Variants in TANC2 observed in about 807,000 individuals in gnomAD.
TANC2 encodes the protein tetratricopeptide repeat, ankyrin repeat and coiled-coil containing 2, also known as protein TANC2.
In TANC2, 26 loss-of-function variants were observed where a neutral mutation model predicts 210.5. The observed-to-expected ratio is 0.12, with a 90% CI of 0.09 to 0.17. The LOEUF is 0.17. Ranked by LOEUF, TANC2 falls within the 10% of genes least tolerant of loss-of-function variation. The pLI, the probability that TANC2 is intolerant of heterozygous loss-of-function variation, is 1.00. For missense variants in TANC2, 2,129 were observed against 2,608.9 expected, an observed-to-expected ratio of 0.82 and a Z score of 4.01; for synonymous variants, 931 against 967.1, an observed-to-expected ratio of 0.96 and a Z score of 0.69.
intron 2 of TANC2, among the ~76,000 whole-genome samples, chr17:63,011,218 T>G (rs1284753708): frequency 6.6e-6 from 1 of 151,908 alleles, no homozygotes; most frequent in Non-Finnish European, 1.5e-5. Context: ...TGTTTTTTTT[T>G]GTTGTTTTGT....
intron 5 of TANC2, among the ~76,000 whole-genome samples, chr17:63,162,909 T>C (rs1417432317): frequency 6.6e-6 from 1 of 152,000 alleles, no homozygotes; most frequent in African/African-American, 2.4e-5. Context: ...TGGTCATTAA[T>C]TTAACGAGGG....
exon 14 of TANC2, chr17:63,355,193 G>A (rs753277402): frequency 6.2e-7 from 1 of 1,613,802 alleles, no homozygotes; most frequent in Admixed American, 1.7e-5. Context: ...TGACTGATGA[G>A]CATATCTTCC....
chr17:63,406,249 A>G (rs1567992244), exon 21 of TANC2: 4 of 1,613,944 alleles, frequency 2.5e-6, no homozygotes, highest in African/African-American at 2.7e-5. Flanking sequence ...AAGGCCATCT[A>G]GGAACCGTGG....
intron 5 of TANC2, among the ~76,000 whole-genome samples, chr17:63,164,352 C>T (rs1234047038): frequency 6.6e-6 from 1 of 151,970 alleles, no homozygotes; most frequent in Non-Finnish European, 1.5e-5. Context: ...ACCCAGACCT[C>T]ATGAAAGTGG....
intron 5 of TANC2, among the ~76,000 whole-genome samples, chr17:63,155,681 G>T (rs1455426251): frequency 6.6e-6 from 1 of 152,120 alleles, no homozygotes; most frequent in Non-Finnish European, 1.5e-5. Flanking sequence ...TTTTTATATG[G>T]ATTCTTTTAA....
At chr17:63,018,710 C>T (rs1280014537) in intron 2 of TANC2, among the ~76,000 whole-genome samples, 4 of 152,232 alleles carry the variant, frequency 2.6e-5, no homozygotes, top group African/African-American at 9.6e-5. Flanking sequence ...ACCCCCTTCC[C>T]TCTCACACCT....
rs146328183 is a variant in TANC2 at position 63,215,405 on chromosome 17, C to T, written c.769+14448C>T. ...GGTTCCTAAATACCTTTGAATTTTC[C>T]GAGTCATAGGAGCATCTTGGCAGGC... On this transcript the variant is annotated intron_variant, in intron 7 of 27. Coordinates refer to ENST00000689528, the Ensembl canonical transcript of TANC2. 6.3e-3 allele frequency among the ~76,000 whole-genome samples: 958 copies of T among 152,142 alleles called. 6 individuals are homozygous for T. Among genetic ancestry groups the T allele is most frequent in the Middle Eastern group, 0.014 (4 of 294 alleles).
chr17:63,097,938 T>A (rs2037450969), intron 3 of TANC2, among the ~76,000 whole-genome samples: 1 of 152,220 alleles, frequency 6.6e-6, no homozygotes, highest in Admixed American at 6.5e-5. Context: ...TGATGTCTAA[T>A]CTACATTTAC....
chr17:63,247,213 G>A (rs957996394), intron 8 of TANC2, among the ~76,000 whole-genome samples: 6 of 151,980 alleles, frequency 3.9e-5, no homozygotes, highest in Admixed American at 3.3e-4. Flanking sequence ...ACTTCAGTCT[G>A]TTGCTTGTCT....
rs527827593 is a variant in TANC2 at position 63,289,831 on chromosome 17, G to A, written c.1159+21958G>A. On this transcript the variant is annotated intron_variant, in intron 9 of 27. Coordinates refer to ENST00000689528, the Ensembl canonical transcript of TANC2. ...TTTATTATTAATCATGTGGTAGTGA[G>A]CTGTGGGGATGAGGAAGCGTTCTGT... Among the ~76,000 whole-genome samples the A allele has an allele frequency of 2.0e-5, 3 of 152,268 alleles. No homozygotes were observed. In the South Asian group the frequency reaches 6.2e-4, roughly 32 times the overall value.
At chr17:63,403,835 T>C (rs2048416540) in intron 19 of TANC2, among the ~76,000 whole-genome samples, 1 of 152,356 alleles carries the variant, frequency 6.6e-6, no homozygotes, top group South Asian at 2.1e-4. Context: ...AGGTTTATAC[T>C]TGCGGAAATT....
chr17:63,394,474 G>T (rs967489738), intron 17 of TANC2, among the ~76,000 whole-genome samples: 14 of 152,086 alleles, frequency 9.2e-5, no homozygotes, highest in African/African-American at 3.1e-4. Flanking sequence ...TTATCCATTC[G>T]CTTAGTTTTT....
intron 9 of TANC2, among the ~76,000 whole-genome samples, chr17:63,309,041 A>G (rs1169976498): frequency 6.6e-6 from 1 of 152,172 alleles, no homozygotes; most frequent in Non-Finnish European, 1.5e-5. Context: ...TATTTCATAA[A>G]TACTTCCACA....
intron 1 of TANC2, among the ~76,000 whole-genome samples, chr17:62,973,570 C>T (rs1009627604): frequency 1.2e-4 from 19 of 152,276 alleles, no homozygotes; most frequent in Non-Finnish European, 2.9e-5. Context: ...GAGAAATATA[C>T]ACACCATCTA....
chr17:63,378,182 A>G (rs1036498185), intron 14 of TANC2, among the ~76,000 whole-genome samples: 4 of 152,184 alleles, frequency 2.6e-5, no homozygotes, highest in Non-Finnish European at 5.9e-5. Context: ...AAGGTGATCT[A>G]GTGTCCTTTA....
intron 5 of TANC2, among the ~76,000 whole-genome samples, chr17:63,167,850 A>C (rs574793806): frequency 1.6e-4 from 22 of 136,676 alleles, no homozygotes; most frequent in African/African-American, 6.3e-4. Context: ...GCACCACTGC[A>C]CTGCAGCCTG....
intron 5 of TANC2, among the ~76,000 whole-genome samples, chr17:63,156,449 GAAC>G (rs2039842178): frequency 6.6e-6 from 1 of 150,588 alleles, no homozygotes; most frequent in Non-Finnish European, 1.5e-5. Context: ...TTAATTATTA[GAAC>G]AACAAGAACA....
At chr17:62,979,384 C>G (rs1285264564) in intron 1 of TANC2, among the ~76,000 whole-genome samples, 1 of 152,014 alleles carries the variant, frequency 6.6e-6, no homozygotes, top group African/African-American at 2.4e-5. Flanking sequence ...CAGTTTTGGT[C>G]TGTTATATGG....
chr17:63,244,754 C>T (rs960073418), intron 8 of TANC2, among the ~76,000 whole-genome samples: 2 of 152,212 alleles, frequency 1.3e-5, no homozygotes, highest in African/African-American at 2.4e-5. Context: ...ACCCAAAACT[C>T]ATTTTGAATC....
Sources: allele counts gnomAD v4.1 joint callset (sites outside exome capture counted in the v4.1 genomes callset), GRCh38; gene constraint gnomAD v4.1.1; transcripts MANE v1.5; gene names NCBI Gene and HGNC (gene_info 2026-07-23, HGNC 2026-07-21).